Variants in DLG2 observed in about 807,000 individuals in gnomAD.
The protein encoded by DLG2 is discs large MAGUK scaffold protein 2, also known as disks large homolog 2.
DLG2 carries 45 observed loss-of-function variants against 132.5 expected under a neutral mutation model. That is an observed-to-expected ratio of 0.34 (90% confidence interval 0.27 to 0.44). The LOEUF (loss-of-function observed/expected upper bound fraction) is 0.44. Ranked by LOEUF, DLG2 falls within the 20% of genes least tolerant of loss-of-function variation. DLG2 has a pLI of 1.00. For synonymous variants in DLG2, 424 were observed against 419.6 expected (o/e 1.01, Z -0.13); for missense variants, 1,045 against 1,196.9 (o/e 0.87, Z 1.87).
At chr11:83,620,336 C>T (rs2153430734) in intron 19 of DLG2, among the ~76,000 whole-genome samples, 1 of 152,092 alleles carries the variant, frequency 6.6e-6, no homozygotes, top group Admixed American at 6.6e-5. Context: ...AATTATATCT[C>T]AATAAAGCTG....
intron 9 of DLG2, among the ~76,000 whole-genome samples, chr11:84,160,708 G>A (rs1372621128): frequency 1.3e-5 from 2 of 152,144 alleles, no homozygotes; most frequent in African/African-American, 4.8e-5. Flanking sequence ...GAAGAGAGAG[G>A]AGATAACTGC....
In DLG2 at chr11:84,524,823, G is replaced by C. The variant is rs536312598; in HGVS notation, c.519+9747C>G. ...GCTGGTCAGGGCCTCATGACTGTTGGGGTCAAATGTAACTCATAGGGTATT... is the reference window on the plus strand; with the variant it reads ...GCTGGTCAGGGCCTCATGACTGTTGCGGTCAAATGTAACTCATAGGGTATT... On this transcript the variant is annotated intron_variant, in intron 7 of 27. Coordinates refer to ENST00000376104, the MANE Select transcript of DLG2 (RefSeq NM_001142699.3). 2.0e-5 allele frequency among the ~76,000 whole-genome samples: 3 copies of C among 151,284 alleles called. No individual in the cohort carries two copies. The East Asian group carries it at 5.8e-4, about 29-fold the overall frequency.
chr11:83,522,615 A>G (rs541542347), intron 21 of DLG2, among the ~76,000 whole-genome samples: 1 of 152,236 alleles, frequency 6.6e-6, no homozygotes, highest in African/African-American at 2.4e-5. Flanking sequence ...ATTTAATTCA[A>G]TACTTATTGG....
At chr11:83,723,450 G>A (rs200753672) in intron 18 of DLG2, among the ~76,000 whole-genome samples, 5 of 152,110 alleles carry the variant, frequency 3.3e-5, no homozygotes, top group Non-Finnish European at 7.4e-5. Context: ...AGTCGAAGGA[G>A]GCCAACTGCC....
At chr11:84,545,181 G>A (rs2099387175) in intron 6 of DLG2, 2 of 455,624 alleles carry the variant, frequency 4.4e-6, no homozygotes, top group Admixed American at 2.4e-5. Context: ...AACCACGAGA[G>A]CCTCCTTGGT....
intron 14 of DLG2, among the ~76,000 whole-genome samples, chr11:83,951,657 G>A (rs2085465204): frequency 6.6e-6 from 1 of 152,184 alleles, no homozygotes; most frequent in Admixed American, 6.5e-5. Context: ...CAAGTAACAA[G>A]GAAGTCTGAG....
chr11:84,015,512 C>T (rs1194523971), intron 11 of DLG2, among the ~76,000 whole-genome samples: 1 of 152,104 alleles, frequency 6.6e-6, no homozygotes, highest in Non-Finnish European at 1.5e-5. Flanking sequence ...ATTAGCTATT[C>T]TTCCTGATGC....
intron 6 of DLG2, among the ~76,000 whole-genome samples, chr11:85,006,436 T>C (rs946593986): frequency 1.1e-4 from 17 of 152,204 alleles, no homozygotes; most frequent in Non-Finnish European, 2.1e-4. Flanking sequence ...GGACACAACT[T>C]CTTCCTGGTT....
At chr11:83,967,988 G>A (rs1363382958) in intron 12 of DLG2, among the ~76,000 whole-genome samples, 3 of 151,958 alleles carry the variant, frequency 2.0e-5, no homozygotes, top group Non-Finnish European at 4.4e-5. Flanking sequence ...TCTTCATCAT[G>A]TTCTCTTATT....
chr11:84,044,292 G>T (rs931950789), intron 11 of DLG2, among the ~76,000 whole-genome samples: 1 of 151,728 alleles, frequency 6.6e-6, no homozygotes, highest in Non-Finnish European at 1.5e-5. Context: ...ACAATAATAC[G>T]CTTCTTTCTG....
intron 19 of DLG2, among the ~76,000 whole-genome samples, chr11:83,543,780 T>A (rs1314198466): frequency 1.3e-5 from 2 of 152,140 alleles, no homozygotes; most frequent in African/African-American, 4.8e-5. Context: ...CTAATACAAA[T>A]CTTTTCTATA....
chr11:84,053,269 G>T (rs1284051833), intron 11 of DLG2, among the ~76,000 whole-genome samples: 1 of 151,932 alleles, frequency 6.6e-6, no homozygotes, highest in African/African-American at 2.4e-5. Flanking sequence ...TGTTGGAGGG[G>T]AAGCAGGAGG....
At chr11:83,920,788 T>C (rs1233417124) in intron 15 of DLG2, among the ~76,000 whole-genome samples, 1 of 41,428 alleles carries the variant, frequency 2.4e-5, no homozygotes, top group African/African-American at 7.2e-5. Flanking sequence ...AGCTAGAAAG[T>C]TGTGGAGGCA....
chr11:83,541,842 C>T lies in DLG2; in HGVS notation c.1957G>A (p.Asp653Asn), dbSNP rs753996788. The T allele has an allele frequency of 1.4e-5, 22 of 1,606,956 alleles. No individual in the cohort carries two copies. The highest frequency in any genetic ancestry group is 2.2e-5 in the East Asian group (1 of 44,462). The change falls in exon 20 of 28, where the codon GAC becomes AAC. Residue 653 changes from aspartate to asparagine, a missense_variant. Asp to Asn is a conservative substitution (Grantham distance 23). Around this residue, in one of 4 missense-constraint regions of DLG2, gnomAD observed 398 missense variants for 543.6 expected, o/e 0.73. Coordinates refer to ENST00000376104, the MANE Select transcript of DLG2 (RefSeq NM_001142699.3). ...GGCAGCCCACTGTCCTTGCTCTTGT[C>T]GTAGTCGAACATGGCTCTGGAGGAA... The part of the protein sequence containing the change: ...SLYVRAMFDY[D>N]KSKDSGLPSQ...
chr11:84,422,785 A>G (rs1430634915), intron 7 of DLG2, among the ~76,000 whole-genome samples: 10 of 152,180 alleles, frequency 6.6e-5, no homozygotes, highest in Non-Finnish European at 1.0e-4. Context: ...TGGAGTACCT[A>G]CTTTCCAGTG....
At chr11:85,481,808 C>T (rs1013989808) in intron 3 of DLG2, among the ~76,000 whole-genome samples, 1 of 151,988 alleles carries the variant, frequency 6.6e-6, no homozygotes, top group Non-Finnish European at 1.5e-5. Flanking sequence ...GGACCCAGCC[C>T]CCAGGCCAGC....
chr11:84,172,101 A>G (rs1032715637), intron 8 of DLG2, among the ~76,000 whole-genome samples: 1 of 152,222 alleles, frequency 6.6e-6, no homozygotes, highest in Non-Finnish European at 1.5e-5. Context: ...ACATTTGTGT[A>G]AGTGTCAAAA....
chr11:84,711,007 TAGATATATATATATATATATATATAG>T (rs1039707022), intron 6 of DLG2, among the ~76,000 whole-genome samples: 2 of 68,218 alleles, frequency 2.9e-5, no homozygotes, highest in African/African-American at 1.2e-4. Flanking sequence ...CATATATATA[TAGATATATATATATATATATATATAG>T]AGCTGAAAAA....
intron 7 of DLG2, among the ~76,000 whole-genome samples, chr11:84,323,105 C>G (rs997889050): frequency 1.9e-4 from 29 of 151,892 alleles, no homozygotes; most frequent in African/African-American, 6.8e-4. Context: ...CAATATAGTG[C>G]TTTTAACTAT....
Sources: gnomAD v4.1 joint callset for allele counts (sites outside exome capture counted in the v4.1 genomes callset) on GRCh38, gnomAD v4.1.1 for gene constraint, gnomAD v4.1.1 regional missense constraint, MANE v1.5 for transcripts, NCBI Gene and HGNC (gene_info 2026-07-23, HGNC 2026-07-21) for gene names.